SUMF1: variants seen among roughly 807,000 people sequenced by gnomAD.
SUMF1 encodes formylglycine-generating enzyme.
Under a neutral mutation model 47.6 loss-of-function variants are expected in SUMF1, and 48 were observed. The observed-to-expected ratio is 1.01, with a 90% CI of 0.80 to 1.28. The LOEUF is 1.28. SUMF1 is among the 50% of genes most tolerant of loss of function. SUMF1 has a pLI of 0.00. For missense variants in SUMF1, 571 were observed against 485.4 expected (o/e 1.18, Z -1.66); for synonymous variants, 230 against 192.1 (o/e 1.20, Z -1.63).
chr3:4,303,783 G>A, intron 8 of SUMF1: 1 of 1,438,370 alleles, frequency 7.0e-7, no homozygotes, highest in Non-Finnish European at 9.3e-7. Flanking sequence ...TGAGAACCTG[G>A]CTTTTTGTCC....
intron 8 of SUMF1, among the ~76,000 whole-genome samples, chr3:4,204,699 G>A (rs1418306435): frequency 1.3e-5 from 2 of 151,792 alleles, no homozygotes; most frequent in East Asian, 3.9e-4. Flanking sequence ...CTCTGCTTGT[G>A]TATTTTCAGA....
rs374323950 is a variant in SUMF1 at position 4,089,489 on chromosome 3, A to G, written c.1015-20744T>C. Among the ~76,000 whole-genome samples the G allele has an allele frequency of 1.6e-4, 25 of 152,252 alleles. No homozygotes were observed. The East Asian group carries it at 4.6e-3, about 28-fold the overall frequency. On this transcript the variant is annotated intron_variant and NMD_transcript_variant, in intron 8 of 12. Transcript: ENST00000448413. ...AATACAAACATTGTTTTCAGGTCTT[A>G]TTCTTTGAAATGTGAGCTCTTATTC...
intron 7 of SUMF1, among the ~76,000 whole-genome samples, chr3:4,394,580 C>A (rs1000503821): frequency 4.6e-5 from 7 of 152,186 alleles, no homozygotes; most frequent in African/African-American, 1.7e-4. Flanking sequence ...TAATGTGTCA[C>A]CTTGGCTAGA....
At position 4,215,254 on chromosome 3, in the gene SUMF1, A is replaced by G. The variant is rs113007167; in HGVS notation, c.1015-146509T>C. Among the ~76,000 whole-genome samples, 100 of 152,344 alleles carry G rather than the reference A, an allele frequency of 6.6e-4. 3 individuals carry two copies. Among genetic ancestry groups the G allele is most frequent in the African/African-American group, 2.4e-3 (99 of 41,588 alleles). ...AGGCTGGTTCAACATATGCAAATCA[A>G]TAAACATAATCCATCACATAAACAG... On this transcript the variant is annotated intron_variant and NMD_transcript_variant, in intron 8 of 12. Coordinates refer to the SUMF1 transcript ENST00000448413.
chr3:4,312,150 A>G (rs1001629170), intron 8 of SUMF1, among the ~76,000 whole-genome samples: 19 of 152,176 alleles, frequency 1.2e-4, no homozygotes, highest in African/African-American at 4.3e-4. Flanking sequence ...AAGAAATAGC[A>G]TTTTTGGAAT....
At chr3:4,428,700 T>A (rs982141770) in intron 3 of SUMF1, among the ~76,000 whole-genome samples, 2 of 112,946 alleles carry the variant, frequency 1.8e-5, no homozygotes, top group Admixed American at 2.2e-4. Context: ...ACATATTTTT[T>A]ATTCATATTT....
chr3:4,420,867 G>C (rs1287050728), intron 3 of SUMF1, among the ~76,000 whole-genome samples: 1 of 152,054 alleles, frequency 6.6e-6, no homozygotes, highest in South Asian at 2.1e-4. Flanking sequence ...AAGCACAGAA[G>C]AAAAAATGGG....
intron 7 of SUMF1, among the ~76,000 whole-genome samples, chr3:4,409,114 T>C (rs1403444710): frequency 6.6e-6 from 1 of 152,114 alleles, no homozygotes; most frequent in Non-Finnish European, 1.5e-5. Context: ...CTAGTCACAA[T>C]GTGGCAAAGA....
At chr3:4,037,988 G>T (rs1694832108) in intron 9 of SUMF1, among the ~76,000 whole-genome samples, 2 of 152,080 alleles carry the variant, frequency 1.3e-5, no homozygotes, top group Admixed American at 1.3e-4. Flanking sequence ...AGATGTAGTG[G>T]TCAGTTAGCA....
At chr3:4,271,051 C>G (rs310692) in intron 8 of SUMF1, among the ~76,000 whole-genome samples, 1 of 151,942 alleles carries the variant, frequency 6.6e-6, no homozygotes. Flanking sequence ...ATAACTGAAA[C>G]GCAAAGGATA....
intron 8 of SUMF1, among the ~76,000 whole-genome samples, chr3:4,116,767 A>G (rs541932781): frequency 3.3e-4 from 50 of 152,250 alleles, no homozygotes; most frequent in African/African-American, 1.2e-3. Context: ...GTACTAAACA[A>G]CTATTTACTT....
intron 8 of SUMF1, among the ~76,000 whole-genome samples, chr3:4,224,860 G>T (rs945138043): frequency 6.6e-6 from 1 of 152,138 alleles, no homozygotes; most frequent in Admixed American, 6.6e-5. Context: ...TGGTGAAGTT[G>T]TGTCCTGATT....
At chr3:4,404,800 A>AGTGAAG (rs1411277042) in intron 7 of SUMF1, among the ~76,000 whole-genome samples, 3 of 152,070 alleles carry the variant, frequency 2.0e-5, no homozygotes, top group Admixed American at 2.0e-4. Context: ...AAAACACATG[A>AGTGAAG]GTGAAGGTCT....
rs2079676023 is a variant in SUMF1, at chr3:4,457,065, T to TACGTGTGTGTAC, written c.271-4017_271-4016insGTACACACACGT. On this transcript the variant is annotated intron_variant, in intron 1 of 8. Coordinates refer to ENST00000272902, the MANE Select transcript of SUMF1 (RefSeq NM_182760.4). ...ATATATATATACGTGTGTGTATATA[T>TACGTGTGTGTAC]ATATATATACGTGTGTGTATATATA... is the stretch of plus-strand genomic sequence containing the variant. Among the ~76,000 whole-genome samples, 10 of 119,234 alleles carry TACGTGTGTGTAC rather than the reference T, an allele frequency of 8.4e-5. No homozygotes were observed. The South Asian group carries it at 1.9e-3, about 23-fold the overall frequency. 78.2% of individuals were successfully genotyped at this position (119,234 alleles called of 152,430 possible). A position where few individuals can be genotyped will look rare whatever the true frequency, so the allele number is the denominator to read the frequency against.
chr3:4,368,075 G>A (rs186691058), intron 8 of SUMF1, among the ~76,000 whole-genome samples: 4,096 of 152,066 alleles, frequency 0.027, 69 homozygotes, highest in Middle Eastern at 0.044. Context: ...GAAAATTTTC[G>A]CAACCTACTC....
At chr3:4,114,463 T>A (rs190886169) in intron 8 of SUMF1, among the ~76,000 whole-genome samples, 16 of 152,206 alleles carry the variant, frequency 1.1e-4, no homozygotes, top group African/African-American at 3.9e-4. Context: ...TAACTGTTCA[T>A]ATGATTTTTA....
chr3:4,151,588 C>CACAT (rs1446868885), intron 8 of SUMF1, among the ~76,000 whole-genome samples: 5 of 143,672 alleles, frequency 3.5e-5, no homozygotes, highest in African/African-American at 5.2e-5. Context: ...CACACACACA[C>CACAT]ATGCAAGTAT....
At chr3:4,410,097 G>A (rs1257107153) in intron 7 of SUMF1, among the ~76,000 whole-genome samples, 2 of 152,098 alleles carry the variant, frequency 1.3e-5, no homozygotes. Context: ...CTAGAGATGG[G>A]ATTTTGCATG....
intron 8 of SUMF1, among the ~76,000 whole-genome samples, chr3:4,255,687 T>C (rs1696934582): frequency 7.2e-6 from 1 of 139,808 alleles, no homozygotes; most frequent in Admixed American, 7.1e-5. Flanking sequence ...CACCCCATTG[T>C]CAACATTAGA....
Sources: gnomAD v4.1 joint callset for allele counts (sites outside exome capture counted in the v4.1 genomes callset) on GRCh38, gnomAD v4.1.1 for gene constraint, MANE v1.5 for transcripts, NCBI Gene and HGNC (gene_info 2026-07-23, HGNC 2026-07-21) for gene names.